The following PPP2R3A variants were observed in gnomAD, a reference collection of about 807,000 sequenced individuals.
PPP2R3A encodes the protein serine/threonine-protein phosphatase 2A regulatory subunit B'' subunit alpha.
A neutral mutation model predicts 106.9 loss-of-function variants in PPP2R3A; 80 were observed. The observed-to-expected ratio is 0.75, with a 90% CI of 0.62 to 0.90. The LOEUF is 0.90. Ranked by LOEUF, PPP2R3A falls within the 40% of genes least tolerant of loss-of-function variation. The pLI is 0.00. For missense variants in PPP2R3A, 1,386 were observed against 1,350.4 expected, an observed-to-expected ratio of 1.03 and a Z score of -0.41; for synonymous variants, 483 against 468.3, an observed-to-expected ratio of 1.03 and a Z score of -0.41.
At chr3:135,981,059 G>A (rs557687527) in intron 1 of PPP2R3A, among the ~76,000 whole-genome samples, 2 of 152,070 alleles carry the variant, frequency 1.3e-5, no homozygotes, top group South Asian at 4.1e-4. Context: ...ATAACCAGAT[G>A]CCTATGCAGG....
chr3:136,060,069 A>C (rs1936023874), intron 5 of PPP2R3A, among the ~76,000 whole-genome samples: 1 of 152,180 alleles, frequency 6.6e-6, no homozygotes, highest in African/African-American at 2.4e-5. Context: ...TAATCTGTAC[A>C]ACCAAACCCT....
At chr3:136,099,440 TCA>T (rs1263382842) in intron 10 of PPP2R3A, among the ~76,000 whole-genome samples, 1 of 152,124 alleles carries the variant, frequency 6.6e-6, no homozygotes, top group African/African-American at 2.4e-5. Context: ...ATTAATATCC[TCA>T]GAGAGACTAT....
chr3:136,074,561 G>A (rs1194346046), intron 6 of PPP2R3A, among the ~76,000 whole-genome samples: 4 of 152,212 alleles, frequency 2.6e-5, no homozygotes, highest in Non-Finnish European at 5.9e-5. Flanking sequence ...ACCAACATAT[G>A]CCAACTTTTG....
At chr3:136,023,570 T>TA (rs1440048657) in intron 2 of PPP2R3A, among the ~76,000 whole-genome samples, 2 of 152,154 alleles carry the variant, frequency 1.3e-5, no homozygotes, top group Admixed American at 6.6e-5. Flanking sequence ...ATTTCTGTAT[T>TA]AAAAGCCTTG....
At chr3:136,107,431 CTTTTTTTTTTTT>C (rs11324496) in intron 13 of PPP2R3A, among the ~76,000 whole-genome samples, 2 of 71,422 alleles carry the variant, frequency 2.8e-5, no homozygotes, top group Admixed American at 3.9e-4. Flanking sequence ...TACATGAATT[CTTTTTTTTTTTT>C]TTTTTTTTTT....
At chr3:136,008,683 G>A (rs1239465497) in intron 2 of PPP2R3A, among the ~76,000 whole-genome samples, 2 of 152,226 alleles carry the variant, frequency 1.3e-5, no homozygotes, top group East Asian at 1.9e-4. Context: ...AAAGTTTGGG[G>A]TACATATGCT....
At chr3:136,010,847 T>TAAA (rs1934044446) in intron 2 of PPP2R3A, among the ~76,000 whole-genome samples, 3 of 152,156 alleles carry the variant, frequency 2.0e-5, no homozygotes, top group Admixed American at 1.3e-4. Flanking sequence ...TCATCAGTTT[T>TAAA]TCTCCTCTGC....
chr3:136,046,360 G>A (rs1012527502), intron 4 of PPP2R3A, among the ~76,000 whole-genome samples: 4 of 151,898 alleles, frequency 2.6e-5, no homozygotes, highest in Non-Finnish European at 5.9e-5. Flanking sequence ...AGGCTGAAGC[G>A]GGAGAATCAT....
chr3:135,993,232 A>G (rs1276103745), intron 1 of PPP2R3A, among the ~76,000 whole-genome samples: 1 of 152,194 alleles, frequency 6.6e-6, no homozygotes, highest in East Asian at 1.9e-4. Context: ...TTCACTAATA[A>G]GAGATGACCC....
intron 5 of PPP2R3A, among the ~76,000 whole-genome samples, chr3:136,061,734 C>T (rs913141201): frequency 6.6e-6 from 1 of 151,932 alleles, no homozygotes; most frequent in African/African-American, 2.4e-5. Context: ...TCCTGGCTAA[C>T]ACAGTGAAAC....
intron 13 of PPP2R3A, among the ~76,000 whole-genome samples, chr3:136,128,620 A>G (rs577147383): frequency 1.9e-4 from 29 of 152,304 alleles, no homozygotes; most frequent in Non-Finnish European, 3.8e-4. Flanking sequence ...TGAGACAGAA[A>G]GTTAACAAGA....
chr3:136,002,070 A>G lies in PPP2R3A; in HGVS notation c.572A>G (p.Asn191Ser), dbSNP rs1576424979. 1 of 1,613,956 alleles carries G rather than the reference A, an allele frequency of 6.2e-7. No homozygotes were observed. The highest frequency in any genetic ancestry group is 1.1e-5 in the South Asian group (1 of 91,030). Reference protein sequence around the residue: ...SVEEKPLSHRNSLDTNLTSMF... With the variant: ...SVEEKPLSHRSSLDTNLTSMF... ...GAGGAAAAACCTTTGTCTCATAGAA[A>G]CTCACTGGATACGAACCTGACTTCC... The change falls in exon 2 of 14, where the codon AAC (asparagine) becomes AGC (serine). Residue 191 changes from asparagine to serine, a missense_variant. Coordinates refer to ENST00000264977, the MANE Select transcript of PPP2R3A (RefSeq NM_002718.5).
intron 1 of PPP2R3A, among the ~76,000 whole-genome samples, chr3:135,967,775 C>G (rs1322107723): frequency 6.6e-6 from 1 of 152,158 alleles, no homozygotes; most frequent in Non-Finnish European, 1.5e-5. Flanking sequence ...CTCAGAAGTG[C>G]AATTGACAGC....
intron 2 of PPP2R3A, among the ~76,000 whole-genome samples, chr3:136,013,455 A>C (rs1934162219): frequency 6.6e-6 from 1 of 152,124 alleles, no homozygotes; most frequent in African/African-American, 2.4e-5. Flanking sequence ...TGATTGTACT[A>C]GTTTACATTC....
intron 8 of PPP2R3A, chr3:136,087,647 A>C (rs1231722365): frequency 1.6e-5 from 6 of 381,230 alleles, no homozygotes; most frequent in Middle Eastern, 7.0e-4. Context: ...GGATGTTCAG[A>C]CCTAACTTAG....
At chr3:136,114,544 C>A (rs936758417) in intron 13 of PPP2R3A, among the ~76,000 whole-genome samples, 1 of 152,194 alleles carries the variant, frequency 6.6e-6, no homozygotes, top group Non-Finnish European at 1.5e-5. Context: ...GCTTGAAATT[C>A]TTGCTGCCAG....
Position 136,002,722 on chromosome 3 carries a change from T to G in PPP2R3A, c.1224T>G (p.Ser408=). 6.2e-7 allele frequency: 1 copy of G among 1,613,160 alleles called. No individual in the cohort carries two copies. The highest frequency in any genetic ancestry group is 8.5e-7 in the Non-Finnish European group (1 of 1,179,710). Residue 408 remains serine, a synonymous_variant, in exon 2 of 14, where the codon TCT becomes TCG. Transcript: ENST00000264977. ...TGAATCCTTTAGAAAATGTTTCTTC[T>G]GACGACTTAATGGAAACTCTTTATA... is the stretch of plus-strand genomic sequence containing the variant. ...LTMNPLENVS[S]DDLMETLYIE...
At chr3:136,042,431 C>T (rs541814571) in intron 4 of PPP2R3A, among the ~76,000 whole-genome samples, 6 of 152,048 alleles carry the variant, frequency 3.9e-5, no homozygotes, top group East Asian at 1.9e-4. Flanking sequence ...TGCAGCACAC[C>T]GCCACAGCAC....
rs764612349 is a variant in PPP2R3A at position 136,080,959 on chromosome 3, T to C, written c.2632-1306T>C. ...TGTCAGAATACTAACATTTGTGTTA[T>C]GAAATAGTCCTCTTTGTCCCTCATG... is the stretch of plus-strand genomic sequence containing the variant. On this transcript the variant is annotated intron_variant, in intron 7 of 13. Transcript: ENST00000264977. Among the ~76,000 whole-genome samples the C allele has an allele frequency of 4.9e-4, 75 of 152,184 alleles. 1 individual carries two copies. The highest frequency in any genetic ancestry group is 4.8e-3 in the Admixed American group (74 of 15,264).
Sources: gnomAD v4.1 joint callset for allele counts (sites outside exome capture counted in the v4.1 genomes callset) on GRCh38, gnomAD v4.1.1 for gene constraint, MANE v1.5 for transcripts, NCBI Gene and HGNC (gene_info 2026-07-23, HGNC 2026-07-21) for gene names.